Variants in UNC5D observed in about 807,000 individuals in gnomAD.
UNC5D encodes unc-5 netrin receptor D, also known as netrin receptor UNC5D.
A neutral mutation model predicts 105.4 loss-of-function variants in UNC5D; 39 were observed. The ratio of observed to expected loss-of-function variants is 0.37; its 90% CI spans 0.29 to 0.48. The LOEUF is 0.48. UNC5D is among the 20% of genes least tolerant of loss of function. The pLI is 0.98. For synonymous variants in UNC5D, 452 were observed against 450.4 expected, an observed-to-expected ratio of 1.00 and a Z score of -0.04; for missense variants, 991 against 1,202.4, an observed-to-expected ratio of 0.82 and a Z score of 2.60.
chr8:35,462,127 CA>C (rs1808937673), intron 1 of UNC5D, among the ~76,000 whole-genome samples: 1 of 152,030 alleles, frequency 6.6e-6, no homozygotes, highest in Non-Finnish European at 1.5e-5. Flanking sequence ...ATTACAAATT[CA>C]AAAACCCAGT....
chr8:35,279,656 C>T (rs1806009702), intron 1 of UNC5D, among the ~76,000 whole-genome samples: 1 of 152,182 alleles, frequency 6.6e-6, no homozygotes, highest in Non-Finnish European at 1.5e-5. Context: ...GTGACTCTTT[C>T]CTTCTACCTT....
chr8:35,263,453 G>C (rs1804625826), intron 1 of UNC5D, among the ~76,000 whole-genome samples: 1 of 151,974 alleles, frequency 6.6e-6, no homozygotes, highest in African/African-American at 2.4e-5. Context: ...ACCCAGGCTG[G>C]AGTGCAGTCC....
intron 1 of UNC5D, among the ~76,000 whole-genome samples, chr8:35,318,033 T>C (rs1809436847): frequency 6.6e-6 from 1 of 152,010 alleles, no homozygotes; most frequent in Non-Finnish European, 1.5e-5. Flanking sequence ...TCAAGTCTTA[T>C]TGCATAAGAG....
At chr8:35,337,855 T>C (rs1811165161) in intron 1 of UNC5D, among the ~76,000 whole-genome samples, 2 of 152,242 alleles carry the variant, frequency 1.3e-5, no homozygotes, top group Non-Finnish European at 2.9e-5. Context: ...CCATCAAAGT[T>C]ATAAATTATT....
At chr8:35,369,066 T>C (rs1330947430) in intron 1 of UNC5D, among the ~76,000 whole-genome samples, 1 of 152,248 alleles carries the variant, frequency 6.6e-6, no homozygotes, top group Admixed American at 6.5e-5. Context: ...TATATCATAT[T>C]ATATAACTGT....
At chr8:35,606,506 C>T (rs1422650366) in intron 4 of UNC5D, among the ~76,000 whole-genome samples, 3 of 152,044 alleles carry the variant, frequency 2.0e-5, no homozygotes, top group African/African-American at 7.2e-5. Context: ...GTTTGGTGTA[C>T]AGATTATTTC....
rs575063216 is a variant in UNC5D at position 35,421,879 on chromosome 8, C to T, written c.104-127413C>T. On this transcript the variant is annotated intron_variant, in intron 1 of 16. Transcript: ENST00000404895. ...TAAAACTTAAACTCATCATATCTAC[C>T]GACCTATTCTACAGTGGGCTTTTCT... 1.2e-4 allele frequency among the ~76,000 whole-genome samples: 18 copies of T among 152,240 alleles called. No individual in the cohort carries two copies. The South Asian group carries it at 3.3e-3, about 28-fold the overall frequency.
At chr8:35,768,897 G>A (rs1801889855) in intron 15 of UNC5D, among the ~76,000 whole-genome samples, 1 of 152,040 alleles carries the variant, frequency 6.6e-6, no homozygotes, top group Admixed American at 6.6e-5. Flanking sequence ...CCAATTTGAG[G>A]GCTGCTGCAT....
chr8:35,642,072 G>T (rs11775430), intron 4 of UNC5D, among the ~76,000 whole-genome samples: 1 of 151,860 alleles, frequency 6.6e-6, no homozygotes. Flanking sequence ...ACCTCCCCCT[G>T]CCTCTCTGAC....
chr8:35,723,232 G>A (rs1206722181), intron 9 of UNC5D, among the ~76,000 whole-genome samples: 2 of 152,156 alleles, frequency 1.3e-5, no homozygotes, highest in African/African-American at 2.4e-5. Flanking sequence ...CAGTGATTGA[G>A]TAGACAGGCT....
chr8:35,391,785 T>C (rs911336172), intron 1 of UNC5D, among the ~76,000 whole-genome samples: 1 of 152,178 alleles, frequency 6.6e-6, no homozygotes, highest in African/African-American at 2.4e-5. Flanking sequence ...GAACTGGCAG[T>C]TCTTGGCATA....
At chr8:35,722,167 T>C (rs1228323432) in intron 8 of UNC5D, 43 bp from the exon 9 acceptor site, 2 of 1,594,620 alleles carry the variant, frequency 1.3e-6, no homozygotes, top group East Asian at 2.2e-5. Context: ...TCTTTGACTT[T>C]GTGCCCATGC....
intron 1 of UNC5D, among the ~76,000 whole-genome samples, chr8:35,306,746 TGG>T (rs1808450376): frequency 6.6e-6 from 1 of 152,154 alleles, no homozygotes; most frequent in African/African-American, 2.4e-5. Flanking sequence ...GATGTTCATA[TGG>T]AGTATCTGCT....
chr8:35,406,020 G>A (rs1218020780), intron 1 of UNC5D, among the ~76,000 whole-genome samples: 1 of 152,076 alleles, frequency 6.6e-6, no homozygotes, highest in East Asian at 1.9e-4. Context: ...TGTTAATGTA[G>A]CATTAAGTTA....
intron 7 of UNC5D, among the ~76,000 whole-genome samples, chr8:35,696,341 G>GT (rs1381794206): frequency 7.6e-6 from 1 of 131,814 alleles, no homozygotes; most frequent in African/African-American, 3.0e-5. Context: ...GTCCCTTCTA[G>GT]TCAGGATGTT....
intron 4 of UNC5D, among the ~76,000 whole-genome samples, chr8:35,602,511 T>G (rs1207453644): frequency 1.3e-5 from 2 of 152,230 alleles, no homozygotes; most frequent in Non-Finnish European, 2.9e-5. Flanking sequence ...TTCAACTTCT[T>G]CCTGGTTTAG....
intron 1 of UNC5D, among the ~76,000 whole-genome samples, chr8:35,460,062 G>T (rs990612837): frequency 6.6e-6 from 1 of 152,206 alleles, no homozygotes; most frequent in Non-Finnish European, 1.5e-5. Context: ...GTCTCTAAAT[G>T]ATTTGGAAGT....
chr8:35,499,243 C>A (rs1371256005), intron 1 of UNC5D, among the ~76,000 whole-genome samples: 1 of 152,212 alleles, frequency 6.6e-6, no homozygotes, highest in East Asian at 1.9e-4. Flanking sequence ...CAAGTCCATG[C>A]ATTAGCAAAC....
intron 3 of UNC5D, among the ~76,000 whole-genome samples, chr8:35,578,988 G>A (rs1381492211): frequency 6.6e-6 from 1 of 152,118 alleles, no homozygotes; most frequent in African/African-American, 2.4e-5. Context: ...AATTCAGTCT[G>A]CCATTCTTAT....
Sources: gnomAD v4.1 joint callset for allele counts (sites outside exome capture counted in the v4.1 genomes callset) on GRCh38, gnomAD v4.1.1 for gene constraint, MANE v1.5 for transcripts, NCBI Gene and HGNC (gene_info 2026-07-23, HGNC 2026-07-21) for gene names.